LARGE1: variants seen among roughly 807,000 people sequenced by gnomAD.
LARGE1 encodes LARGE xylosyl- and glucuronyltransferase 1.
Under a neutral mutation model 87.6 loss-of-function variants are expected in LARGE1, and 43 were observed. That is an observed-to-expected ratio of 0.49 (90% confidence interval 0.38 to 0.63). LARGE1 has a LOEUF of 0.63. Among genes scored for constraint, LARGE1 ranks in the 30% least tolerant of loss-of-function variants. LARGE1 has a pLI of 0.00. For synonymous variants in LARGE1, 434 were observed against 394.6 expected, an observed-to-expected ratio of 1.10 and a Z score of -1.18; for missense variants, 802 against 1,000.2, an observed-to-expected ratio of 0.80 and a Z score of 2.67.
intron 3 of LARGE1, among the ~76,000 whole-genome samples, chr22:33,646,961 T>A (rs1376667223): frequency 6.6e-6 from 1 of 152,232 alleles, no homozygotes; most frequent in Non-Finnish European, 1.5e-5. Flanking sequence ...ACTCCTGAAC[T>A]CAGGTGATCC....
intron 2 of LARGE1, among the ~76,000 whole-genome samples, chr22:33,707,433 A>T (rs557066906): frequency 6.6e-4 from 101 of 152,362 alleles, no homozygotes; most frequent in African/African-American, 2.3e-3. Flanking sequence ...AGGTGTTAAC[A>T]GCTGGAAGTG....
intron 2 of LARGE1, among the ~76,000 whole-genome samples, chr22:33,696,252 TTTCTTTCTTTC>T (rs1164183151): frequency 1.4e-3 from 164 of 114,010 alleles, no homozygotes; most frequent in Non-Finnish European, 2.4e-3. Context: ...TCTTTCTTTC[TTTCTTTCTTTC>T]TTTTTTTTTT....
intron 6 of LARGE1, among the ~76,000 whole-genome samples, chr22:33,458,057 G>T (rs1292766294): frequency 1.3e-5 from 2 of 151,860 alleles, no homozygotes; most frequent in African/African-American, 4.8e-5. Context: ...ATCTAACTTG[G>T]TGCCAGATAC....
intron 4 of LARGE1, among the ~76,000 whole-genome samples, chr22:33,621,626 A>G (rs946539679): frequency 1.3e-5 from 2 of 152,218 alleles, no homozygotes; most frequent in African/African-American, 4.8e-5. Flanking sequence ...ATAACCATGT[A>G]TTAGTTAATC....
intron 10 of LARGE1, among the ~76,000 whole-genome samples, chr22:33,335,141 G>A (rs1938291279): frequency 6.6e-6 from 1 of 152,220 alleles, no homozygotes; most frequent in African/African-American, 2.4e-5. Context: ...TAGGAGAACA[G>A]TTTCCATTTA....
At position 33,776,723 on chromosome 22, in the gene LARGE1, A is replaced by G. The variant is rs148107930; in HGVS notation, c.-82-15165T>C. Among the ~76,000 whole-genome samples the G allele has an allele frequency of 5.1e-3, 777 of 152,320 alleles. 6 individuals carry two copies. Among genetic ancestry groups the G allele is most frequent in the Middle Eastern group, 0.014 (4 of 294 alleles). ...TGGGAAATGCACTCTGGCATCCCTT[A>G]GTGTTGAAGGGTCCTGACTTGTCTA... On this transcript the variant is annotated intron_variant, in intron 1 of 14. Transcript: ENST00000397394.
chr22:33,608,265 C>T (rs771251506), intron 4 of LARGE1, among the ~76,000 whole-genome samples: 7 of 152,164 alleles, frequency 4.6e-5, no homozygotes, highest in Non-Finnish European at 4.4e-5. Flanking sequence ...ATGGACCAAG[C>T]TTCTTATATT....
chr22:33,472,452 AG>A (rs1320329679), intron 6 of LARGE1, among the ~76,000 whole-genome samples: 1 of 152,052 alleles, frequency 6.6e-6, no homozygotes, highest in Non-Finnish European at 1.5e-5. Context: ...TTCCAATGAG[AG>A]CAGGACTGAT....
At chr22:33,362,260 T>G (rs1212751252) in intron 9 of LARGE1, among the ~76,000 whole-genome samples, 1 of 149,266 alleles carries the variant, frequency 6.7e-6, no homozygotes, top group Admixed American at 6.6e-5. Flanking sequence ...TCAAGTGTAT[T>G]TCTATGGAGC....
chr22:33,092,832 C>T, the LARGE1 span, among the ~76,000 whole-genome samples: 1 of 152,178 alleles, frequency 6.6e-6, no homozygotes, highest in South Asian at 2.1e-4. Context: ...CATAGAGTCT[C>T]ATGGTGTGTA....
At chr22:33,379,429 C>T (rs1036642342) in intron 9 of LARGE1, among the ~76,000 whole-genome samples, 1 of 152,032 alleles carries the variant, frequency 6.6e-6, no homozygotes, top group African/African-American at 2.4e-5. Context: ...CACCCCATGA[C>T]AGGCCCCGGT....
intron 2 of LARGE1, among the ~76,000 whole-genome samples, chr22:33,745,421 G>A (rs143311320): frequency 9.2e-4 from 140 of 152,260 alleles, no homozygotes; most frequent in Admixed American, 2.6e-3. Context: ...TGAGGTGCTC[G>A]TCTCTGTCAG....
At chr22:33,198,068 A>T (rs759590911) in intron 11 of LARGE1, among the ~76,000 whole-genome samples, 2 of 152,224 alleles carry the variant, frequency 1.3e-5, no homozygotes, top group Non-Finnish European at 2.9e-5. Flanking sequence ...CCACATGTGC[A>T]TACAAAAATT....
intron 6 of LARGE1, among the ~76,000 whole-genome samples, chr22:33,554,189 T>G (rs1296404876): frequency 6.6e-6 from 1 of 152,054 alleles, no homozygotes; most frequent in Non-Finnish European, 1.5e-5. Context: ...AATCACAGCT[T>G]GCCAATCACA....
intron 1 of LARGE1, among the ~76,000 whole-genome samples, chr22:33,827,369 C>CA (rs1346820195): frequency 4.0e-5 from 6 of 151,512 alleles, no homozygotes; most frequent in Admixed American, 1.3e-4. Context: ...GACCCGGTCT[C>CA]AAAAAAAAGA....
At chr22:33,431,561 A>G (rs1444218514) in intron 7 of LARGE1, among the ~76,000 whole-genome samples, 1 of 152,206 alleles carries the variant, frequency 6.6e-6, no homozygotes, top group Non-Finnish European at 1.5e-5. Context: ...TGCCAGGCAC[A>G]TGGTAGACTG....
chr22:33,751,677 T>A (rs535183606), intron 2 of LARGE1, among the ~76,000 whole-genome samples: 1 of 152,276 alleles, frequency 6.6e-6, no homozygotes, highest in South Asian at 2.1e-4. Context: ...TCCTATAGTA[T>A]GTATTATTTT....
intron 11 of LARGE1, among the ~76,000 whole-genome samples, chr22:33,313,152 C>A (rs1935789763): frequency 6.6e-6 from 1 of 152,114 alleles, no homozygotes; most frequent in Admixed American, 6.5e-5. Flanking sequence ...CCCTCCTACA[C>A]CCTAAGCCCT....
At chr22:33,497,075 T>TC (rs564470400) in intron 6 of LARGE1, among the ~76,000 whole-genome samples, 27 of 150,472 alleles carry the variant, frequency 1.8e-4, no homozygotes, top group Non-Finnish European at 3.4e-4. Context: ...TCTTTTCTTT[T>TC]TTTTTTTTTT....
Sources: gnomAD v4.1 joint callset for allele counts (sites outside exome capture counted in the v4.1 genomes callset) on GRCh38, gnomAD v4.1.1 for gene constraint, MANE v1.5 for transcripts, NCBI Gene and HGNC (gene_info 2026-07-23, HGNC 2026-07-21) for gene names.